The following GATA2 variants were observed in gnomAD, a reference collection of about 807,000 sequenced individuals.
GATA2 encodes the protein endothelial transcription factor GATA-2.
In GATA2, 6 loss-of-function variants were observed where a neutral mutation model predicts 35.7. The observed-to-expected ratio is 0.17, with a 90% CI of 0.09 to 0.33. The LOEUF (loss-of-function observed/expected upper bound fraction) is 0.33, where lower values mean the gene tolerates loss of function less well. Ranked by LOEUF, GATA2 falls within the 10% of genes least tolerant of loss-of-function variation. The probability of loss-of-function intolerance (pLI) is 1.00; values close to 1 mark genes in which losing one functional copy is unlikely to be tolerated. For missense variants in GATA2, 541 were observed against 656.6 expected, an observed-to-expected ratio of 0.82 and a Z score of 1.92; for synonymous variants, 313 against 274.9, an observed-to-expected ratio of 1.14 and a Z score of -1.37.
chr3:128,492,109 T>C (rs1300436548), intron 1 of GATA2: 1 of 152,216 alleles, frequency 6.6e-6, no homozygotes, highest in Non-Finnish European at 1.5e-5. Flanking sequence ...AGGAGGCTTT[T>C]TCCAAAACAA....
At chr3:128,481,573 C>T (rs1002642218) in intron 5 of GATA2, among the ~76,000 whole-genome samples, 2 of 152,218 alleles carry the variant, frequency 1.3e-5, no homozygotes, top group Non-Finnish European at 1.5e-5. Flanking sequence ...GAAGTCCTCC[C>T]CCCCACCCTG....
chr3:128,491,220 C>T (rs1011234889), intron 1 of GATA2, among the ~76,000 whole-genome samples: 2 of 112,212 alleles, frequency 1.8e-5, no homozygotes, highest in East Asian at 2.3e-4. Flanking sequence ...CCCCCCCCCC[C>T]TCTGAGCCCT....
At chr3:128,482,991 C>T (rs567808773) in intron 4 of GATA2, among the ~76,000 whole-genome samples, 1 of 152,298 alleles carries the variant, frequency 6.6e-6, no homozygotes, top group South Asian at 2.1e-4. Context: ...ACTGCAGCCG[C>T]GGGGGCAGGG....
rs387906630 is a variant in GATA2, at chr3:128,485,837, G to C, written c.761C>G (p.Pro254Arg). ...GCTGCTGTAGTCGTGGGCAGCCGCCGGCACATAGGAGGGGTAGGTGGGGAT... is the reference window on the plus strand; with the variant it reads ...GCTGCTGTAGTCGTGGGCAGCCGCCCGCACATAGGAGGGGTAGGTGGGGAT... Reference protein sequence around the residue: ...HPIPTYPSYVPAAAHDYSSGL... With the variant: ...HPIPTYPSYVRAAAHDYSSGL... Residue 254 changes from proline (P) to arginine (R), a missense_variant, in exon 3 of 6, where the codon CCG (proline) becomes CGG (arginine). This residue lies in a region of GATA2 where 389 missense variants were observed against 396.9 expected (regional missense o/e 0.98). Coordinates refer to ENST00000341105, the MANE Select transcript of GATA2 (RefSeq NM_032638.5). The C allele has an allele frequency of 6.2e-7, 1 of 1,614,036 alleles. No homozygotes were observed. Among genetic ancestry groups the C allele is most frequent in the Non-Finnish European group, 8.5e-7 (1 of 1,179,934 alleles).
At position 128,486,842 on chromosome 3, in the gene GATA2, C is replaced by T. The variant is rs370831063; in HGVS notation, c.190G>A (p.Ala64Thr). Residue 64 changes from alanine (A) to threonine (T), a missense_variant, in exon 2 of 6, where the codon GCT (alanine) becomes ACT (threonine). Ala to Thr is a moderately conservative substitution (Grantham distance 58, BLOSUM62 0). Around this residue, in one of 5 missense-constraint regions of GATA2, gnomAD observed 389 missense variants for 396.9 expected, o/e 0.98. Coordinates refer to ENST00000341105, the MANE Select transcript of GATA2 (RefSeq NM_032638.5). ...SQGNPYYANP[A>T]HARARVSYSP... ...TAGGAGACGCGCGCCCGCGCGTGAG[C>T]GGGGTTGGCATAGTAGGGGTTGCCC... The T allele has an allele frequency of 3.7e-6, 6 of 1,611,468 alleles. No homozygotes were observed. The highest frequency in any genetic ancestry group is 2.2e-5 in the East Asian group (1 of 44,790).
intron 3 of GATA2, among the ~76,000 whole-genome samples, chr3:128,484,971 G>A (rs1352543856): frequency 1.3e-5 from 2 of 152,216 alleles, no homozygotes; most frequent in East Asian, 1.9e-4. Flanking sequence ...AAAGGGATTC[G>A]GGAAAGAGAC....
rs767807785 is a variant in GATA2 at position 128,487,042 on chromosome 3, G to T, written c.-11C>A. 6.4e-7 allele frequency: 1 copy of T among 1,562,910 alleles called. No homozygotes were observed. The highest frequency in any genetic ancestry group is 8.7e-7 in the Non-Finnish European group (1 of 1,154,778). ...GGGCGCCACCTCCATGGCCGGCGGC[G>T]GCGGCTCAGGGTCTGGGTGCAGACG... On this transcript the variant is annotated 5_prime_UTR_variant, in exon 2 of 6. Coordinates refer to ENST00000341105, the MANE Select transcript of GATA2 (RefSeq NM_032638.5).
chr3:128,485,783 C>A lies in GATA2; in HGVS notation c.815G>T (p.Gly272Val). ...SGLFHPGGFL[G>V]GPASSFTPKQ... ...AGGGGTGAAGCTGGAGGCCGGTCCCCCCAGGAAGCCTCCGGGGTGGAAGAG... is the reference window on the plus strand; with the variant it reads ...AGGGGTGAAGCTGGAGGCCGGTCCCACCAGGAAGCCTCCGGGGTGGAAGAG... Residue 272 changes from glycine (G) to valine (V), a missense_variant, in exon 3 of 6, where the codon GGG becomes GTG. Transcript: ENST00000341105. 1 of 1,614,016 alleles carries A rather than the reference C, an allele frequency of 6.2e-7. No homozygotes were observed. The highest frequency in any genetic ancestry group is 1.1e-5 in the South Asian group (1 of 91,072).
In GATA2 at chr3:128,481,239, T is replaced by C. The variant is rs2107667997; in HGVS notation, c.1223A>G (p.Lys408Arg). ...CTCCTCGAAGCACTCCGCCCCTTTCTTGCTCTTCTTGGACTTGTTGGACAT... is the reference window on the plus strand; with the variant it reads ...CTCCTCGAAGCACTCCGCCCCTTTCCTGCTCTTCTTGGACTTGTTGGACAT... The part of the protein sequence containing the change: ...RKMSNKSKKS[K>R]KGAECFEELS... The change falls in exon 6 of 6, where the codon AAG becomes AGG. Residue 408 changes from lysine to arginine, a missense_variant. This residue lies in a region of GATA2 where 95 missense variants were observed against 114.0 expected (regional missense o/e 0.83). Coordinates refer to ENST00000341105, the MANE Select transcript of GATA2 (RefSeq NM_032638.5). The C allele has an allele frequency of 6.2e-7, 1 of 1,614,230 alleles. No individual in the cohort carries two copies.
At chr3:128,484,409 T>C (rs576354982) in intron 3 of GATA2, among the ~76,000 whole-genome samples, 2 of 152,186 alleles carry the variant, frequency 1.3e-5, no homozygotes, top group Admixed American at 1.3e-4. Context: ...CTCTGGCGCG[T>C]CTCTCCCCCT....
chr3:128,486,011 G>T lies in GATA2; in HGVS notation c.587C>A (p.Ser196Tyr). Residue 196 changes from serine to tyrosine, a missense_variant, in exon 3 of 6, where the codon TCT (serine) becomes TAT (tyrosine). Coordinates refer to ENST00000341105, the MANE Select transcript of GATA2 (RefSeq NM_032638.5). ...TCGGGCTGCACTACCCCCCGCGGAAGATGAGGCTGGAGACGCAGCCCCCGT... is the reference window on the plus strand; with the variant it reads ...TCGGGCTGCACTACCCCCCGCGGAATATGAGGCTGGAGACGCAGCCCCCGT... The part of the protein sequence containing the change: ...STTGAASPAS[S>Y]SAGGSAARGE... 1.2e-6 allele frequency: 2 copies of T among 1,613,800 alleles called. No individual in the cohort carries two copies. Among genetic ancestry groups the T allele is most frequent in the Non-Finnish European group, 1.7e-6 (2 of 1,179,720 alleles).
chr3:128,487,916 C>G (rs7611275), intron 1 of GATA2: 4,260 of 152,560 alleles, frequency 0.028, 118 homozygotes, highest in Middle Eastern at 0.06. Context: ...CGCCAGCTGC[C>G]GACTCCTGCA....
intron 3 of GATA2, 139 bp downstream of exon 3, chr3:128,485,585 TCTG>T (rs1245144420): frequency 9.3e-7 from 1 of 1,075,164 alleles, no homozygotes; most frequent in Non-Finnish European, 1.3e-6. Flanking sequence ...GTCTCAAACA[TCTG>T]CTGGGGGCTA....
In GATA2 at chr3:128,480,657, G is replaced by A. The variant is rs1029616896; in HGVS notation, c.*362C>T. On this transcript the variant is annotated 3_prime_UTR_variant, in exon 6 of 6. Transcript: ENST00000341105. ...ACAGCTCAGACCACCAAGTCTCCAAGTCCTTGTTAGAAACAAGAGCAAAAT... is the reference window on the plus strand; with the variant it reads ...ACAGCTCAGACCACCAAGTCTCCAAATCCTTGTTAGAAACAAGAGCAAAAT... 9.6e-6 allele frequency: 3 copies of A among 311,674 alleles called. No homozygotes were observed. Among genetic ancestry groups the A allele is most frequent in the African/African-American group, 6.3e-5 (3 of 47,396 alleles). The allele number at this position is 311,674 out of a possible 1,614,324, so 19.3% of individuals were successfully genotyped here.
intron 1 of GATA2, among the ~76,000 whole-genome samples, chr3:128,492,465 A>G (rs531238141): frequency 5.9e-5 from 9 of 152,256 alleles, no homozygotes; most frequent in Non-Finnish European, 8.8e-5. Flanking sequence ...CGCAAGCAGG[A>G]GCGAGCTGGG....
In GATA2 at chr3:128,485,774, G is replaced by T. The variant is rs1348862489; in HGVS notation, c.824C>A (p.Ala275Asp). Residue 275 changes from alanine (A) to aspartate (D), a missense_variant, in exon 3 of 6, where the codon GCC becomes GAC. Physicochemically the swap from Ala to Asp is moderately radical, Grantham distance 126. Transcript: ENST00000341105. ...GCGCTGCTTAGGGGTGAAGCTGGAG[G>T]CCGGTCCCCCCAGGAAGCCTCCGGG... ...FHPGGFLGGP[A>D]SSFTPKQRSK... 1 of 1,613,856 alleles carries T rather than the reference G, an allele frequency of 6.2e-7. No homozygotes were observed. The highest frequency in any genetic ancestry group is 8.5e-7 in the Non-Finnish European group (1 of 1,179,996).
Position 128,483,896 on chromosome 3 carries a change from C to T in GATA2, c.981G>A (p.Gly327=), listed in dbSNP as rs2068661291. ...TGGGCTTGATGAGTGGTCGGTTCTG[C>T]CCATTCATCTTGTGGTAGAGGCCAC... is the stretch of plus-strand genomic sequence containing the variant. ...NACGLYHKMN[G]QNRPLIKPKR... The change falls in exon 4 of 6, where the codon GGG becomes GGA. Residue 327 remains glycine, a synonymous_variant. Coordinates refer to ENST00000341105, the MANE Select transcript of GATA2 (RefSeq NM_032638.5). 3.1e-6 allele frequency: 5 copies of T among 1,614,166 alleles called. No individual in the cohort carries two copies. Among genetic ancestry groups the T allele is most frequent in the Non-Finnish European group, 3.4e-6 (4 of 1,180,042 alleles).
chr3:128,491,213 C>A (rs1036158873), intron 1 of GATA2, among the ~76,000 whole-genome samples: 20 of 120,658 alleles, frequency 1.7e-4, no homozygotes, highest in East Asian at 8.6e-4. Flanking sequence ...GTCCAGCCCC[C>A]CCCCCCCTCT....
At chr3:128,486,406 A>G (rs1204862416) in intron 2 of GATA2, 38 bp from the exon 3 acceptor site, 1 of 1,581,942 alleles carries the variant, frequency 6.3e-7, no homozygotes, top group South Asian at 1.1e-5. Flanking sequence ...GTGGGCAGAA[A>G]GATCAGGGTA....
Sources: gnomAD v4.1 joint callset for allele counts (sites outside exome capture counted in the v4.1 genomes callset) on GRCh38, gnomAD v4.1.1 for gene constraint, gnomAD v4.1.1 regional missense constraint, MANE v1.5 for transcripts, NCBI Gene and HGNC (gene_info 2026-07-23, HGNC 2026-07-21) for gene names.